SCIN: variants seen among roughly 807,000 people sequenced by gnomAD.
SCIN encodes adseverin.
In SCIN, 91 loss-of-function variants were observed where a neutral mutation model predicts 91.8. The observed-to-expected ratio is 0.99, with a 90% CI of 0.84 to 1.18. The LOEUF (loss-of-function observed/expected upper bound fraction) is 1.18, where lower values mean the gene tolerates loss of function less well. SCIN is among the 50% of genes most tolerant of loss of function. SCIN has a pLI of 0.00. For synonymous variants in SCIN, 367 were observed against 312.6 expected (o/e 1.17, Z -1.84); for missense variants, 1,087 against 863.9 (o/e 1.26, Z -3.24).
intron 9 of SCIN, among the ~76,000 whole-genome samples, chr7:12,629,561 T>C (rs759068001): frequency 3.3e-5 from 5 of 152,292 alleles, no homozygotes; most frequent in Middle Eastern, 3.4e-3. Context: ...TGGTTTCTTA[T>C]GGTTAAAATT....
chr7:12,581,784 C>T lies in SCIN; in HGVS notation c.516+563C>T, dbSNP rs17283815. Among the ~76,000 whole-genome samples the T allele has an allele frequency of 3.8e-3, 578 of 152,238 alleles. 2 individuals carry two copies. The highest frequency in any genetic ancestry group is 5.3e-3 in the Non-Finnish European group (363 of 68,018). Reference sequence around the variant, plus strand: ...ATGTTTTCTTCCTGGAAAAGACGCTCCTCTAATATCAGGTATACTTATTAA... The same window carrying T: ...ATGTTTTCTTCCTGGAAAAGACGCTTCTCTAATATCAGGTATACTTATTAA... On this transcript the variant is annotated intron_variant, in intron 3 of 15. Coordinates refer to ENST00000297029, the MANE Select transcript of SCIN (RefSeq NM_001112706.3).
intron 4 of SCIN, among the ~76,000 whole-genome samples, chr7:12,607,092 T>G (rs868542236): frequency 2.6e-5 from 4 of 152,222 alleles, no homozygotes; most frequent in African/African-American, 9.6e-5. Flanking sequence ...CCTTGTGAAG[T>G]GGTAAGAAGA....
intron 11 of SCIN, among the ~76,000 whole-genome samples, chr7:12,641,309 G>A (rs1198608475): frequency 6.6e-6 from 1 of 152,108 alleles, no homozygotes; most frequent in Admixed American, 6.5e-5. Flanking sequence ...CTCTACGACT[G>A]TCCTCTGAGG....
Position 12,656,287 on chromosome 7 carries a change from T to A in SCIN, c.*3572T>A, listed in dbSNP as rs1784160882. 6.6e-6 allele frequency: 1 copy of A among 152,212 alleles called. No individual in the cohort carries two copies. The highest frequency in any genetic ancestry group is 2.4e-5 in the African/African-American group (1 of 41,452). 9.4% of individuals were successfully genotyped at this position (152,212 alleles called of 1,614,324 possible). The stretch of plus-strand genomic sequence containing the variant: ...TCCAAAGCTATATACTGTGAATTTA[T>A]ACTGTTGTGTAGTGACACAAGCCCT... On this transcript the variant is annotated 3_prime_UTR_variant, in exon 16 of 16. Coordinates refer to ENST00000297029, the MANE Select transcript of SCIN (RefSeq NM_001112706.3).
chr7:12,590,746 G>A (rs751824264), intron 3 of SCIN, among the ~76,000 whole-genome samples: 2 of 152,104 alleles, frequency 1.3e-5, no homozygotes, highest in African/African-American at 4.8e-5. Flanking sequence ...CCTCAACAGT[G>A]TATAACTCCT....
intron 3 of SCIN, among the ~76,000 whole-genome samples, chr7:12,602,639 G>A (rs1471458730): frequency 2.0e-5 from 3 of 152,022 alleles, no homozygotes; most frequent in Non-Finnish European, 2.9e-5. Flanking sequence ...AATATTCCTT[G>A]CTAGGAAAAG....
intron 13 of SCIN, among the ~76,000 whole-genome samples, chr7:12,645,432 C>G (rs1244334611): frequency 6.6e-6 from 1 of 152,192 alleles, no homozygotes; most frequent in African/African-American, 2.4e-5. Flanking sequence ...TGTTCTGAAT[C>G]TCAGTTTCAG....
chr7:12,650,513 A>T (rs1784058753), intron 14 of SCIN, among the ~76,000 whole-genome samples: 1 of 152,154 alleles, frequency 6.6e-6, no homozygotes. Flanking sequence ...CCTTTTATTT[A>T]CATTACCATG....
intron 13 of SCIN, among the ~76,000 whole-genome samples, chr7:12,647,028 T>C (rs1291247291): frequency 7.1e-6 from 1 of 139,958 alleles, no homozygotes; most frequent in African/African-American, 2.8e-5. Flanking sequence ...TGACTTGATA[T>C]TGCATCCAAG....
chr7:12,618,228 C>T (rs1361939846), intron 4 of SCIN, among the ~76,000 whole-genome samples: 1 of 152,106 alleles, frequency 6.6e-6, no homozygotes, highest in Non-Finnish European at 1.5e-5. Context: ...CTCAGTCACA[C>T]TAGCCACATT....
At chr7:12,641,248 C>G (rs560829654) in intron 11 of SCIN, among the ~76,000 whole-genome samples, 1 of 152,204 alleles carries the variant, frequency 6.6e-6, no homozygotes, top group South Asian at 2.1e-4. Context: ...GTCATCTCAT[C>G]CCTCCACCTG....
intron 4 of SCIN, among the ~76,000 whole-genome samples, chr7:12,622,088 T>TA (rs1658196230): frequency 6.6e-6 from 1 of 151,986 alleles, no homozygotes; most frequent in South Asian, 2.1e-4. Flanking sequence ...ATTAATAAAT[T>TA]AATTAAGGTA....
chr7:12,576,053 A>G (rs912916851), intron 1 of SCIN, among the ~76,000 whole-genome samples: 1 of 152,178 alleles, frequency 6.6e-6, no homozygotes, highest in Non-Finnish European at 1.5e-5. Context: ...ACATCTACCT[A>G]AAGAGATTCA....
chr7:12,632,177 T>C (rs1198367828), intron 9 of SCIN, among the ~76,000 whole-genome samples: 6 of 150,326 alleles, frequency 4.0e-5, no homozygotes, highest in Admixed American at 2.0e-4. Flanking sequence ...TTGCCCAGGC[T>C]GGAGTACAGT....
Position 12,651,796 on chromosome 7 carries a change from C to A in SCIN, c.1960-45C>A, listed in dbSNP as rs771560939. ...CTTTACATAGGGCCTAGCACTGAGT[C>A]AACATCCCAGAAATCATACATATTG... On this transcript the variant is annotated intron_variant, in intron 14 of 15. Coordinates refer to ENST00000297029, the MANE Select transcript of SCIN (RefSeq NM_001112706.3). This position sits in a 1 kb window ranked among gnomAD's most constrained non-coding sequence, Gnocchi z 5.9. 1.8e-5 allele frequency: 23 copies of A among 1,289,656 alleles called. No homozygotes were observed. Among genetic ancestry groups the A allele is most frequent in the Non-Finnish European group, 2.2e-5 (20 of 906,104 alleles). The allele number at this position is 1,289,656 out of a possible 1,614,324, so 79.9% of individuals were successfully genotyped here.
chr7:12,605,890 A>G (rs1337523889), intron 4 of SCIN, among the ~76,000 whole-genome samples: 1 of 152,210 alleles, frequency 6.6e-6, no homozygotes, highest in Non-Finnish European at 1.5e-5. Context: ...TTAAGTGTTC[A>G]TGGCTCTATA....
chr7:12,599,437 G>A (rs1782911486), intron 3 of SCIN, among the ~76,000 whole-genome samples: 1 of 151,830 alleles, frequency 6.6e-6, no homozygotes, highest in Non-Finnish European at 1.5e-5. Flanking sequence ...GGGCATTTGG[G>A]CTGGTCCCAT....
At chr7:12,619,863 C>T (rs1783372000) in intron 4 of SCIN, among the ~76,000 whole-genome samples, 1 of 152,046 alleles carries the variant, frequency 6.6e-6, no homozygotes, top group South Asian at 2.1e-4. Context: ...TTTATTTACT[C>T]AATGGCTGGC....
intron 4 of SCIN, among the ~76,000 whole-genome samples, chr7:12,621,294 C>G (rs144055152): frequency 4.0e-4 from 61 of 152,238 alleles, no homozygotes; most frequent in African/African-American, 1.5e-3. Flanking sequence ...TATGGCATCT[C>G]TCTACCTCTG....
Sources: allele counts gnomAD v4.1 joint callset (sites outside exome capture counted in the v4.1 genomes callset), GRCh38; gene constraint gnomAD v4.1.1; non-coding constraint Gnocchi (gnomAD v3.1); transcripts MANE v1.5; gene names NCBI Gene and HGNC (gene_info 2026-07-23, HGNC 2026-07-21).